Variants in PTPRA observed in about 807,000 individuals in gnomAD.
The protein encoded by PTPRA is receptor-type tyrosine-protein phosphatase alpha.
In PTPRA, 25 loss-of-function variants were observed where a neutral mutation model predicts 104.8. The ratio of observed to expected loss-of-function variants is 0.24; its 90% CI spans 0.17 to 0.33. The LOEUF is 0.33. PTPRA is among the 10% of genes least tolerant of loss of function. The pLI is 1.00. For synonymous variants in PTPRA, 323 were observed against 368.9 expected, an observed-to-expected ratio of 0.88 and a Z score of 1.43; for missense variants, 765 against 1,015.3, an observed-to-expected ratio of 0.75 and a Z score of 3.35.
intron 8 of PTPRA, 61 bp downstream of exon 8, chr20:2,988,166 G>A: frequency 6.6e-7 from 1 of 1,526,586 alleles, no homozygotes; most frequent in South Asian, 1.1e-5. Flanking sequence ...GAAATTAGGA[G>A]TTTCTCCATC....
chr20:2,923,155 A>G (rs1166204061), intron 1 of PTPRA, 52 bp from the exon 2 acceptor site: 3 of 786,202 alleles, frequency 3.8e-6, no homozygotes, highest in African/African-American at 1.9e-5. Flanking sequence ...AGCTAGAACA[A>G]TCTGCTCAGG....
At chr20:3,000,923 G>C (rs1382783938) in intron 9 of PTPRA, among the ~76,000 whole-genome samples, 1 of 152,138 alleles carries the variant, frequency 6.6e-6, no homozygotes, top group East Asian at 1.9e-4. Flanking sequence ...TATAAGGAGA[G>C]GAGCCCAAAG....
chr20:2,976,529 T>C (rs1470230005), intron 6 of PTPRA, among the ~76,000 whole-genome samples: 3 of 152,232 alleles, frequency 2.0e-5, no homozygotes, highest in African/African-American at 4.8e-5. Flanking sequence ...ACCTAGATTA[T>C]TGCTAATTGT....
intron 1 of PTPRA, among the ~76,000 whole-genome samples, chr20:2,883,135 C>T (rs1179509147): frequency 1.3e-5 from 2 of 151,932 alleles, no homozygotes; most frequent in African/African-American, 4.8e-5. Flanking sequence ...CAGGCATGCA[C>T]CACCATGCCC....
intron 5 of PTPRA, among the ~76,000 whole-genome samples, chr20:2,974,616 G>A (rs1340885003): frequency 6.6e-6 from 1 of 152,080 alleles, no homozygotes; most frequent in Non-Finnish European, 1.5e-5. Flanking sequence ...TTTTAGTAGA[G>A]ACGGGGTTTT....
At chr20:3,006,402 C>T (rs1020653892) in intron 10 of PTPRA, among the ~76,000 whole-genome samples, 34 of 152,248 alleles carry the variant, frequency 2.2e-4, no homozygotes, top group African/African-American at 8.2e-4. Context: ...TGGTCTCAAA[C>T]TCTTGGCCTC....
At chr20:2,955,678 C>G (rs1417727717) in intron 3 of PTPRA, 1 of 984,940 alleles carries the variant, frequency 1.0e-6, no homozygotes, top group Non-Finnish European at 1.2e-6. Flanking sequence ...AGTGCTGTTC[C>G]TACTCCACCC....
In PTPRA at chr20:3,005,058, T is replaced by C. The variant is rs1328240252; in HGVS notation, c.741T>C (p.Ala247=). Residue 247 remains alanine (A), a splice_region_variant and synonymous_variant, in exon 10 of 24, where the codon GCT becomes GCC. Coordinates refer to ENST00000399903, the MANE Select transcript of PTPRA (RefSeq NM_001385305.1). ...TCTAATTTCTCTTAACCTTTCAGGC[T>C]CTCCCTGCATGTCCTATCCAGGCCA... ...DNKLFREEFN[A]LPACPIQATC... is the part of the protein sequence containing the mutation. 6.2e-7 allele frequency: 1 copy of C among 1,600,592 alleles called. No individual in the cohort carries two copies. The highest frequency in any genetic ancestry group is 1.3e-5 in the African/African-American group (1 of 74,578).
At chr20:2,963,305 T>A (rs1386066933) in intron 3 of PTPRA, among the ~76,000 whole-genome samples, 2 of 152,130 alleles carry the variant, frequency 1.3e-5, no homozygotes, top group African/African-American at 2.4e-5. Flanking sequence ...GTGACTTTTT[T>A]AAAAAAGTTT....
chr20:2,884,479 G>A (rs74464956), intron 1 of PTPRA, among the ~76,000 whole-genome samples: 2,670 of 152,256 alleles, frequency 0.018, 39 homozygotes, highest in Non-Finnish European at 0.025. Flanking sequence ...TAGTGGGTGT[G>A]AAGTTGTATC....
chr20:2,909,844 A>G (rs950503506), intron 1 of PTPRA, among the ~76,000 whole-genome samples: 2 of 129,880 alleles, frequency 1.5e-5, no homozygotes, highest in South Asian at 2.3e-4. Flanking sequence ...TATATATAAT[A>G]TAAGATAATA....
At chr20:2,953,124 G>A (rs2061407618) in intron 3 of PTPRA, among the ~76,000 whole-genome samples, 1 of 152,120 alleles carries the variant, frequency 6.6e-6, no homozygotes, top group African/African-American at 2.4e-5. Flanking sequence ...TTGAGGAATT[G>A]CCATACTGAT....
chr20:2,911,133 A>G (rs1023595524), intron 1 of PTPRA, among the ~76,000 whole-genome samples: 26 of 152,264 alleles, frequency 1.7e-4, no homozygotes, highest in Admixed American at 1.5e-3. Flanking sequence ...ATTTATTAAT[A>G]GAAGCAAGGG....
intron 19 of PTPRA, 103 bp downstream of exon 19, chr20:3,027,300 A>G: frequency 1.7e-6 from 2 of 1,206,742 alleles, no homozygotes; most frequent in Non-Finnish European, 2.4e-6. Flanking sequence ...TCATGTTTGA[A>G]TCAGTCAACA....
intron 1 of PTPRA, among the ~76,000 whole-genome samples, chr20:2,896,045 G>A (rs6051460): frequency 1.3e-5 from 2 of 151,580 alleles, no homozygotes; most frequent in Admixed American, 6.6e-5. Context: ...TTATCTTTTT[G>A]TAACGGATTT....
Position 2,927,805 on chromosome 20 carries a change from T to C in PTPRA, c.-50+4520T>C, listed in dbSNP as rs540652027. 5.4e-3 allele frequency among the ~76,000 whole-genome samples: 816 copies of C among 151,690 alleles called. 2 individuals are homozygous for C. The highest frequency in any genetic ancestry group is 0.01 in the South Asian group (50 of 4,794). On this transcript the variant is annotated intron_variant, in intron 2 of 23. Transcript: ENST00000399903. ...CAGGTGGATCACTTGAGGCCAGGAG[T>C]TCAAGACCAGCCTGGCCAACACGGC...
At chr20:2,865,866 GAGGTGTAT>G in the PTPRA span, 1 of 462,672 alleles carries the variant, frequency 2.2e-6, no homozygotes, top group South Asian at 2.3e-5. This position sits in a 1 kb window ranked among gnomAD's most constrained non-coding sequence, Gnocchi z 5.2. Flanking sequence ...GGGTAGTTCA[GAGGTGTAT>G]AGGGCAGGTT....
intron 3 of PTPRA, among the ~76,000 whole-genome samples, chr20:2,961,653 C>G (rs1466463075): frequency 6.6e-6 from 1 of 152,128 alleles, no homozygotes. Context: ...TCTCATGGAT[C>G]ATGCCTTTGA....
intron 11 of PTPRA, among the ~76,000 whole-genome samples, chr20:3,013,559 T>C (rs573328663): frequency 1.3e-5 from 2 of 152,114 alleles, no homozygotes; most frequent in Non-Finnish European, 2.9e-5. Context: ...ATTACAGGCA[T>C]GCACCACCAC....
Sources: gnomAD v4.1 joint callset for allele counts (sites outside exome capture counted in the v4.1 genomes callset) on GRCh38, gnomAD v4.1.1 for gene constraint, Gnocchi (gnomAD v3.1) non-coding constraint, MANE v1.5 for transcripts, NCBI Gene and HGNC (gene_info 2026-07-23, HGNC 2026-07-21) for gene names.